The following ABCA13 variants were observed in gnomAD, a reference collection of about 807,000 sequenced individuals.
ABCA13 encodes the protein ATP binding cassette subfamily A member 13.
ABCA13 carries 476 observed loss-of-function variants against 478.7 expected under a neutral mutation model. The observed-to-expected ratio is 0.99, with a 90% CI of 0.92 to 1.07. The LOEUF is 1.07. Among genes scored for constraint, ABCA13 ranks in the 50% least tolerant of loss-of-function variants. ABCA13 has a pLI of 0.00. For synonymous variants in ABCA13, 2,252 were observed against 2,158.9 expected, an observed-to-expected ratio of 1.04 and a Z score of -1.20; for missense variants, 6,060 against 5,910.6, an observed-to-expected ratio of 1.03 and a Z score of -0.83.
chr7:48,257,058 C>CT (rs1793502675), intron 15 of ABCA13, among the ~76,000 whole-genome samples: 1 of 151,912 alleles, frequency 6.6e-6, no homozygotes. Context: ...GTATTTTATT[C>CT]TTTTTGTGGC....
intron 42 of ABCA13, among the ~76,000 whole-genome samples, chr7:48,436,398 C>A (rs1435162165): frequency 6.6e-6 from 1 of 151,534 alleles, no homozygotes; most frequent in Non-Finnish European, 1.5e-5. Context: ...TTATTTGAAC[C>A]TTCTTTCTTT....
rs1795472027 is a variant in ABCA13, at chr7:48,646,951, T to TCATCCTATAG, written c.*1440_*1449dup. 6.6e-6 allele frequency: 1 copy of TCATCCTATAG among 152,248 alleles called. No homozygotes were observed. Among genetic ancestry groups the TCATCCTATAG allele is most frequent in the African/African-American group, 2.4e-5 (1 of 41,468 alleles). 9.4% of individuals were successfully genotyped at this position (152,248 alleles called of 1,614,324 possible). A position where few individuals can be genotyped will look rare whatever the true frequency, so the allele number is the denominator to read the frequency against. ...TAAAGACTATATACATCTGAATTTT[T>TCATCCTATAG]CATCCTATAGTTAGTAAGATGCATA... On this transcript the variant is annotated 3_prime_UTR_variant, in exon 62 of 62. Transcript: ENST00000435803.
Position 48,309,943 on chromosome 7 carries a change from A to G in ABCA13, c.9322-4A>G. 2 of 1,613,796 alleles carry G rather than the reference A, an allele frequency of 1.2e-6. No individual in the cohort carries two copies. Among genetic ancestry groups the G allele is most frequent in the East Asian group, 2.2e-5 (1 of 44,866 alleles). ...TCACCTCTAATCTCTGTGCTTTGAA[A>G]CAGGTTCTCTTCAGTGCCCTCACCG... is the stretch of plus-strand genomic sequence containing the variant. On this transcript the variant is annotated splice_region_variant and splice_polypyrimidine_tract_variant and intron_variant, in intron 23 of 61. Coordinates refer to ENST00000435803, the MANE Select transcript of ABCA13 (RefSeq NM_152701.5).
At chr7:48,450,751 A>G (rs1191186912) in intron 42 of ABCA13, among the ~76,000 whole-genome samples, 1 of 151,936 alleles carries the variant, frequency 6.6e-6, no homozygotes, top group African/African-American at 2.4e-5. Context: ...TCTCCCACTC[A>G]TTTTACTGAG....
intron 43 of ABCA13, among the ~76,000 whole-genome samples, chr7:48,461,706 G>T (rs190400202): frequency 5.3e-5 from 8 of 152,270 alleles, no homozygotes; most frequent in African/African-American, 1.9e-4. Flanking sequence ...ATTGCTGGTA[G>T]TCGTACCTCT....
chr7:48,410,975 T>TTCTCTCTC (rs373755985), intron 40 of ABCA13, among the ~76,000 whole-genome samples: 1 of 144,752 alleles, frequency 6.9e-6, no homozygotes, highest in African/African-American at 2.6e-5. Flanking sequence ...AGAAATTCTT[T>TTCTCTCTC]TCTCTTTCTT....
At chr7:48,420,464 C>T (rs1187066714) in intron 41 of ABCA13, among the ~76,000 whole-genome samples, 1 of 152,152 alleles carries the variant, frequency 6.6e-6, no homozygotes, top group Non-Finnish European at 1.5e-5. Context: ...CAAGACAAAA[C>T]TTTCTGGCAT....
In ABCA13 at chr7:48,611,990, C is replaced by T. The variant is rs949634043; in HGVS notation, c.14745-3295C>T. 8.5e-5 allele frequency: 13 copies of T among 152,114 alleles called. 1 individual carries two copies. Among genetic ancestry groups the T allele is most frequent in the Admixed American group, 8.5e-4 (13 of 15,274 alleles). The allele number at this position is 152,114 out of a possible 1,614,324, so 9.4% of individuals were successfully genotyped here. On this transcript the variant is annotated intron_variant, in intron 58 of 61. Transcript: ENST00000435803. ...ATCTCTTGGACTTCATGCTAAGCAA[C>T]TATAACAAAGAAACCTCAACTTACA...
intron 41 of ABCA13, among the ~76,000 whole-genome samples, chr7:48,425,814 C>T (rs950229019): frequency 6.6e-6 from 1 of 152,072 alleles, no homozygotes; most frequent in Non-Finnish European, 1.5e-5. Flanking sequence ...AATCTCGGCT[C>T]ACTGCAGGCT....
intron 48 of ABCA13, among the ~76,000 whole-genome samples, chr7:48,495,362 G>A (rs1830183999): frequency 6.6e-6 from 1 of 151,970 alleles, no homozygotes; most frequent in Non-Finnish European, 1.5e-5. Flanking sequence ...TGGTCTTTCT[G>A]TTACTGATTT....
At chr7:48,347,597 T>C (rs565183261) in intron 29 of ABCA13, among the ~76,000 whole-genome samples, 1 of 152,338 alleles carries the variant, frequency 6.6e-6, no homozygotes, top group South Asian at 2.1e-4. Flanking sequence ...CCAGGCCAGC[T>C]GTCCAGCCCC....
chr7:48,435,969 AG>A (rs1446199818), intron 42 of ABCA13, among the ~76,000 whole-genome samples: 2 of 144,894 alleles, frequency 1.4e-5, no homozygotes, highest in African/African-American at 4.9e-5. Context: ...TTAGTTGGTA[AG>A]GTTTTTTTTT....
intron 55 of ABCA13, among the ~76,000 whole-genome samples, chr7:48,529,233 A>G (rs189119840): frequency 1.3e-5 from 2 of 152,326 alleles, no homozygotes; most frequent in Non-Finnish European, 2.9e-5. Flanking sequence ...TGTGCTATCA[A>G]GTTTACCCTA....
chr7:48,586,178 C>G (rs768035985), intron 56 of ABCA13, among the ~76,000 whole-genome samples: 2 of 152,118 alleles, frequency 1.3e-5, no homozygotes, highest in Non-Finnish European at 2.9e-5. Flanking sequence ...AGTCTGAACT[C>G]TCCTGTGGCT....
chr7:48,475,458 A>ATTTTTTTT (rs398047655), intron 45 of ABCA13, among the ~76,000 whole-genome samples: 5 of 100,476 alleles, frequency 5.0e-5, no homozygotes, highest in African/African-American at 1.2e-4. Flanking sequence ...TGTCAATTTA[A>ATTTTTTTT]TTTTTTTTTT....
intron 50 of ABCA13, among the ~76,000 whole-genome samples, chr7:48,509,855 G>C (rs982142200): frequency 7.2e-5 from 11 of 152,176 alleles, no homozygotes; most frequent in Admixed American, 6.5e-4. Flanking sequence ...TCCTGAATGG[G>C]ATTAATGGCC....
At chr7:48,558,081 T>A (rs1786029643) in intron 55 of ABCA13, among the ~76,000 whole-genome samples, 1 of 151,918 alleles carries the variant, frequency 6.6e-6, no homozygotes, top group Non-Finnish European at 1.5e-5. Flanking sequence ...AATTATACTG[T>A]TAAGAGGCTC....
intron 53 of ABCA13, among the ~76,000 whole-genome samples, chr7:48,522,937 T>C (rs1832655348): frequency 6.6e-6 from 1 of 152,278 alleles, no homozygotes; most frequent in Non-Finnish European, 1.5e-5. Context: ...CTTCCAAAAG[T>C]CCAGGATAGG....
intron 3 of ABCA13, among the ~76,000 whole-genome samples, chr7:48,206,239 G>A (rs35736166): frequency 0.2 from 30,816 of 152,200 alleles, 3,377 homozygotes; most frequent in Middle Eastern, 0.26. Context: ...AATGGACTGC[G>A]TATATGACAG....
Sources: gnomAD v4.1 joint callset for allele counts (sites outside exome capture counted in the v4.1 genomes callset) on GRCh38, gnomAD v4.1.1 for gene constraint, MANE v1.5 for transcripts, NCBI Gene and HGNC (gene_info 2026-07-23, HGNC 2026-07-21) for gene names.